Variants in PKP4 observed in about 807,000 individuals in gnomAD.
PKP4 encodes plakophilin 4, also known as plakophilin-4.
A neutral mutation model predicts 145.1 loss-of-function variants in PKP4; 90 were observed. The ratio of observed to expected loss-of-function variants is 0.62; its 90% CI spans 0.52 to 0.74. The LOEUF (loss-of-function observed/expected upper bound fraction) is 0.74. PKP4 is among the 30% of genes least tolerant of loss of function. The probability of loss-of-function intolerance (pLI) is 0.00; values close to 1 mark genes in which losing one functional copy is unlikely to be tolerated. For synonymous variants in PKP4, 563 were observed against 577.2 expected, an observed-to-expected ratio of 0.98 and a Z score of 0.35; for missense variants, 1,340 against 1,482.7, an observed-to-expected ratio of 0.90 and a Z score of 1.58.
chr2:158,476,471 C>T (rs1244030994), intron 1 of PKP4, among the ~76,000 whole-genome samples: 1 of 152,114 alleles, frequency 6.6e-6, no homozygotes, highest in East Asian at 1.9e-4. Flanking sequence ...GCTGGGACTA[C>T]AGGCATACAC....
chr2:158,651,069 A>G (rs1403930457), intron 11 of PKP4, among the ~76,000 whole-genome samples: 2 of 152,202 alleles, frequency 1.3e-5, no homozygotes, highest in African/African-American at 4.8e-5. Context: ...ATCCAGAGAA[A>G]GGTATTTTTC....
chr2:158,470,609 C>G (rs1288038137), intron 1 of PKP4, among the ~76,000 whole-genome samples: 1 of 152,274 alleles, frequency 6.6e-6, no homozygotes. Flanking sequence ...AACAACTAAC[C>G]TGAAATCTAA....
At position 158,625,356 on chromosome 2, in the gene PKP4, T is replaced by C. The variant is rs552153382; in HGVS notation, c.1082T>C (p.Met361Thr). 104 of 1,614,034 alleles carry C rather than the reference T, an allele frequency of 6.4e-5. No homozygotes were observed. Among genetic ancestry groups the C allele is most frequent in the Non-Finnish European group, 8.6e-5 (102 of 1,180,040 alleles). ...TCACTGCAAAGGACTGTTCATGACA[T>C]GGAGCAATTCGGACAGCAGCAGTAT... ...GPSLQRTVHD[M>T]EQFGQQQYDI... The change falls in exon 7 of 22, where the codon ATG (methionine) becomes ACG (threonine). Residue 361 changes from methionine (M) to threonine (T), a missense_variant. Physicochemically the swap from Met to Thr is moderately conservative, Grantham distance 81. Coordinates refer to ENST00000389759, the MANE Select transcript of PKP4 (RefSeq NM_003628.6).
At chr2:158,501,798 C>T (rs911537941) in intron 1 of PKP4, among the ~76,000 whole-genome samples, 1 of 134,374 alleles carries the variant, frequency 7.4e-6, no homozygotes, top group Non-Finnish European at 1.7e-5. Context: ...CTTCTGTCTG[C>T]ACATCCACAG....
chr2:158,536,411 G>C (rs1379465132), intron 2 of PKP4, among the ~76,000 whole-genome samples: 1 of 152,172 alleles, frequency 6.6e-6, no homozygotes, highest in Admixed American at 6.5e-5. Flanking sequence ...AAATTAACCT[G>C]AATTTTGAGA....
At chr2:158,603,365 A>G (rs2050383161) in intron 4 of PKP4, among the ~76,000 whole-genome samples, 1 of 152,196 alleles carries the variant, frequency 6.6e-6, no homozygotes, top group Non-Finnish European at 1.5e-5. Context: ...TTCCATTTCC[A>G]TCATAAGAAA....
At chr2:158,667,653 G>T (rs1048131075) in intron 16 of PKP4, among the ~76,000 whole-genome samples, 4 of 152,196 alleles carry the variant, frequency 2.6e-5, no homozygotes, top group Non-Finnish European at 5.9e-5. Context: ...CCTTCACACA[G>T]TGCCTGACAG....
At chr2:158,462,973 G>A (rs1268235564) in intron 1 of PKP4, among the ~76,000 whole-genome samples, 1 of 152,196 alleles carries the variant, frequency 6.6e-6, no homozygotes, top group African/African-American at 2.4e-5. Context: ...GGTTTCTGCA[G>A]CATTTACCAA....
chr2:158,526,551 A>G (rs1426957140), intron 1 of PKP4, among the ~76,000 whole-genome samples: 2 of 66,796 alleles, frequency 3.0e-5, no homozygotes, highest in African/African-American at 6.4e-5. Flanking sequence ...AAAAACTGGA[A>G]GCATTCCCTT....
intron 1 of PKP4, among the ~76,000 whole-genome samples, chr2:158,510,530 T>C (rs1251451429): frequency 6.6e-6 from 1 of 152,166 alleles, no homozygotes; most frequent in Non-Finnish European, 1.5e-5. Flanking sequence ...AAAAGGCAAT[T>C]TCAGAACACA....
chr2:158,588,266 T>C (rs1474274788), intron 3 of PKP4: 1 of 152,164 alleles, frequency 6.6e-6, no homozygotes, highest in African/African-American at 2.4e-5. Flanking sequence ...AGCTCAACAG[T>C]TGCCACCCCC....
At chr2:158,511,426 A>C (rs771665508) in intron 1 of PKP4, among the ~76,000 whole-genome samples, 4 of 152,134 alleles carry the variant, frequency 2.6e-5, no homozygotes, top group African/African-American at 9.7e-5. Flanking sequence ...TTTTCTGTAC[A>C]TAGTGTATTA....
chr2:158,470,182 C>T (rs1055403589), intron 1 of PKP4, among the ~76,000 whole-genome samples: 4 of 150,618 alleles, frequency 2.7e-5, no homozygotes, highest in East Asian at 3.9e-4. Context: ...TAGTAAGCAA[C>T]GATGCTTTCT....
At chr2:158,602,004 A>G (rs1250142162) in intron 3 of PKP4, among the ~76,000 whole-genome samples, 2 of 152,188 alleles carry the variant, frequency 1.3e-5, no homozygotes, top group Non-Finnish European at 2.9e-5. Flanking sequence ...AAAAAATACC[A>G]TGAATATATG....
intron 1 of PKP4, among the ~76,000 whole-genome samples, chr2:158,532,877 C>G (rs2043696605): frequency 6.6e-6 from 1 of 152,132 alleles, no homozygotes; most frequent in African/African-American, 2.4e-5. Context: ...TTGCAAAAAC[C>G]TCTTCTGCAA....
chr2:158,497,904 C>T (rs1695974310), intron 1 of PKP4, among the ~76,000 whole-genome samples: 2 of 152,146 alleles, frequency 1.3e-5, no homozygotes, highest in African/African-American at 4.8e-5. Context: ...CAGTCAAAAT[C>T]TCCCAAAACA....
intron 12 of PKP4, chr2:158,660,752 T>C (rs1004225611): frequency 6.6e-6 from 1 of 152,240 alleles, no homozygotes; most frequent in African/African-American, 2.4e-5. Context: ...TATATTTAAC[T>C]TGAAATGTTT....
At chr2:158,536,285 G>A (rs2044035346) in intron 2 of PKP4, among the ~76,000 whole-genome samples, 1 of 152,120 alleles carries the variant, frequency 6.6e-6, no homozygotes, top group Non-Finnish European at 1.5e-5. Context: ...ACAATTTTAT[G>A]TATATGTTAT....
intron 1 of PKP4, among the ~76,000 whole-genome samples, chr2:158,485,992 T>C (rs1357642482): frequency 6.6e-6 from 1 of 152,174 alleles, no homozygotes; most frequent in African/African-American, 2.4e-5. Flanking sequence ...TTTGGCCACA[T>C]TAAATTTTTT....
Sources: gnomAD v4.1 joint callset for allele counts (sites outside exome capture counted in the v4.1 genomes callset) on GRCh38, gnomAD v4.1.1 for gene constraint, MANE v1.5 for transcripts, NCBI Gene and HGNC (gene_info 2026-07-23, HGNC 2026-07-21) for gene names.